RIOK2: variants seen among roughly 807,000 people sequenced by gnomAD.
The protein encoded by RIOK2 is serine/threonine-protein kinase RIO2.
In RIOK2, 46 loss-of-function variants were observed where a neutral mutation model predicts 62.4. That is an observed-to-expected ratio of 0.74 (90% confidence interval 0.58 to 0.94). The LOEUF is 0.94. Among genes scored for constraint, RIOK2 ranks in the 40% least tolerant of loss-of-function variants. The pLI, the probability that RIOK2 is intolerant of heterozygous loss-of-function variation, is 0.00. For synonymous variants in RIOK2, 197 were observed against 216.0 expected (o/e 0.91, Z 0.77); for missense variants, 574 against 658.0 (o/e 0.87, Z 1.40).
chr5:97,168,286 C>A (rs1291243575), intron 7 of RIOK2, among the ~76,000 whole-genome samples: 1 of 152,100 alleles, frequency 6.6e-6, no homozygotes, highest in East Asian at 1.9e-4. Context: ...TCAAAGGGGG[C>A]TAAGGATTTC....
In RIOK2 at chr5:97,171,469, G is replaced by A. The variant is rs1004404294; in HGVS notation, c.588-72C>T. 3.0e-5 allele frequency: 31 copies of A among 1,030,066 alleles called. No individual in the cohort carries two copies. The South Asian group carries it at 5.9e-4, about 20-fold the overall frequency. 63.8% of individuals were successfully genotyped at this position (1,030,066 alleles called of 1,614,324 possible). On this transcript the variant is annotated intron_variant, in intron 5 of 9. Transcript: ENST00000283109. ...GGTTTTAACGAAAGTATGTATGCAT[G>A]TGAACATATATATTATTTCCATGCT...
Position 97,167,755 on chromosome 5 carries a change from G to C in RIOK2, c.1109C>G (p.Ser370Cys), listed in dbSNP as rs1030769135. The C allele has an allele frequency of 6.2e-7, 1 of 1,614,142 alleles. No individual in the cohort carries two copies. Among genetic ancestry groups the C allele is most frequent in the Non-Finnish European group, 8.5e-7 (1 of 1,180,014 alleles). ...EESEGCYCRS[S>C]GDPEQIKEDS... ...TTCCTTTATTTGTTCAGGGTCTCCAGATGATCTGCAATAGCAGCCCTCTGA... is the reference window on the plus strand; with the variant it reads ...TTCCTTTATTTGTTCAGGGTCTCCACATGATCTGCAATAGCAGCCCTCTGA... Residue 370 changes from serine (S) to cysteine (C), a missense_variant, in exon 8 of 10, where the codon TCT becomes TGT. Ser to Cys is a moderately radical substitution (Grantham distance 112). Coordinates refer to ENST00000283109, the MANE Select transcript of RIOK2 (RefSeq NM_018343.3).
At chr5:97,183,038 C>A in intron 1 of RIOK2, 88 bp downstream of exon 1, 1 of 1,385,474 alleles carries the variant, frequency 7.2e-7, no homozygotes, top group Non-Finnish European at 1.0e-6. Flanking sequence ...CCAGAGTGTG[C>A]CTGCTCAGAT....
At chr5:97,182,404 T>C (rs1749438124) in intron 1 of RIOK2, among the ~76,000 whole-genome samples, 1 of 152,222 alleles carries the variant, frequency 6.6e-6, no homozygotes, top group African/African-American at 2.4e-5. Flanking sequence ...TGCTGTTTCC[T>C]CTGCCTCCAA....
At chr5:97,174,810 C>T (rs569100787) in intron 4 of RIOK2, among the ~76,000 whole-genome samples, 8 of 152,128 alleles carry the variant, frequency 5.3e-5, no homozygotes, top group South Asian at 2.1e-4. Flanking sequence ...TGGTGGCTCA[C>T]GCTTATAACC....
At chr5:97,170,163 AG>A (rs1376613639) in intron 6 of RIOK2, among the ~76,000 whole-genome samples, 2 of 152,190 alleles carry the variant, frequency 1.3e-5, no homozygotes, top group Admixed American at 1.3e-4. Flanking sequence ...TTGTTAGTTT[AG>A]GAAAAAAGTT....
chr5:97,163,220 C>A lies in RIOK2; in HGVS notation c.1500G>T (p.Leu500=), dbSNP rs754012985. 1.9e-6 allele frequency: 3 copies of A among 1,612,842 alleles called. No individual in the cohort carries two copies. In the African/African-American group the frequency reaches 4.0e-5, roughly 22 times the overall value. The change falls in exon 10 of 10, where the codon CTG becomes CTT. Residue 500 remains leucine, a synonymous_variant. Coordinates refer to ENST00000283109, the MANE Select transcript of RIOK2 (RefSeq NM_018343.3). Reference sequence around the variant, plus strand: ...ACTGACGTTTCACCTTCTGTTTCACCAGTTCCTGGAAAGATTTCATAAATT... The same window carrying A: ...ACTGACGTTTCACCTTCTGTTTCACAAGTTCCTGGAAAGATTTCATAAATT... ...AVSCSTIPPE[L]VKQKVKRQLT... is the part of the protein sequence containing the mutation.
At chr5:97,178,317 T>TATGCTCTTCTGCAGTACCTGC (rs1561520901) in intron 2 of RIOK2, among the ~76,000 whole-genome samples, 4 of 147,440 alleles carry the variant, frequency 2.7e-5, no homozygotes, top group African/African-American at 1.0e-4. Flanking sequence ...CTTTATCCTA[T>TATGCTCTTCTGCAGTACCTGC]ATGCTCTTCT....
chr5:97,180,583 T>C (rs1749379411), intron 1 of RIOK2, among the ~76,000 whole-genome samples: 1 of 152,176 alleles, frequency 6.6e-6, no homozygotes, highest in South Asian at 2.1e-4. Context: ...CAGGAAGCTC[T>C]TGAAGATGTT....
At chr5:97,179,532 G>C (rs1010866322) in intron 1 of RIOK2, among the ~76,000 whole-genome samples, 1 of 151,766 alleles carries the variant, frequency 6.6e-6, no homozygotes, top group Non-Finnish European at 1.5e-5. Flanking sequence ...TAATGAGAAA[G>C]TACTACATGT....
rs751257515 is a variant in RIOK2, at chr5:97,167,783, C to A, written c.1081G>T (p.Glu361Ter). Residue 361 changes from glutamate to a stop codon, truncating the protein, a stop_gained, in exon 8 of 10, where the codon GAA (glutamate) becomes TAA (stop). Transcript: ENST00000283109. LOFTEE classifies it high-confidence loss of function. ...ENESERNCLE[E>*]SEGCYCRSSG... is the part of the protein sequence containing the mutation. ...GATCTGCAATAGCAGCCCTCTGATT[C>A]TTCTAGACAGTTCCGTTCACTTTCA... 2 of 1,614,178 alleles carry A rather than the reference C, an allele frequency of 1.2e-6. No homozygotes were observed. The highest frequency in any genetic ancestry group is 2.2e-5 in the East Asian group (1 of 44,882).
At chr5:97,168,730 C>T (rs767202190) in intron 7 of RIOK2, 30 bp downstream of exon 7, 1 of 1,314,176 alleles carries the variant, frequency 7.6e-7, no homozygotes, top group South Asian at 1.4e-5. Flanking sequence ...TTAAACTGTT[C>T]TATTATGTAA....
rs1459754496 is a variant in RIOK2 at position 97,182,784 on chromosome 5, G to GC, written c.66+341_66+342insG. The GC allele has an allele frequency of 7.6e-5, 18 of 236,480 alleles. 2 individuals are homozygous for GC. Among genetic ancestry groups the GC allele is most frequent in the South Asian group, 6.9e-4 (14 of 20,196 alleles). The allele number at this position is 236,480 out of a possible 1,614,324, so 14.6% of individuals were successfully genotyped here. On this transcript the variant is annotated intron_variant, in intron 1 of 9. Transcript: ENST00000283109. Reference sequence around the variant, plus strand: ...AGTCAATATTATCAAATCTCGGGGGGGGGGGGGGGCTTAAACCTTTCACAG... The same window carrying GC: ...AGTCAATATTATCAAATCTCGGGGGGCGGGGGGGGGCTTAAACCTTTCACAG...
intron 1 of RIOK2, among the ~76,000 whole-genome samples, chr5:97,180,289 C>A (rs1043764716): frequency 6.7e-6 from 1 of 150,348 alleles, no homozygotes; most frequent in Non-Finnish European, 1.5e-5. Flanking sequence ...AATAAGAATA[C>A]TTCTAGCTGA....
rs762476518 is a variant in RIOK2, at chr5:97,183,241, G to A, written c.-50C>T. 2.5e-6 allele frequency: 4 copies of A among 1,590,734 alleles called. No individual in the cohort carries two copies. Among genetic ancestry groups the A allele is most frequent in the East Asian group, 4.5e-5 (2 of 44,782 alleles). On this transcript the variant is annotated 5_prime_UTR_variant, in exon 1 of 10. In the 5' UTR this introduces an upstream ATG that the reference lacks. Transcript: ENST00000283109. ...GCCTCTCCGACGACAGCCGCAAAGC[G>A]TAAGGCAGGTCGTTATTCCAGCCTC...
In RIOK2 at chr5:97,171,330, G is replaced by A; in HGVS notation, c.655C>T (p.Leu219Phe). The A allele has an allele frequency of 4.3e-6, 7 of 1,609,248 alleles. No homozygotes were observed. Among genetic ancestry groups the A allele is most frequent in the Non-Finnish European group, 5.9e-6 (7 of 1,178,056 alleles). Residue 219 changes from leucine to phenylalanine, a missense_variant, in exon 6 of 10, where the codon CTT becomes TTT. Leu to Phe is a conservative substitution (Grantham distance 22). Transcript: ENST00000283109. The stretch of plus-strand genomic sequence containing the variant: ...CCATGAATCAGCCCATGATTTGCAA[G>A]TTTGACAATTAGTTCCATAGCTTCA... ...YDEAMELIVKLANHGLIHGDF... is the reference protein window; with the variant it reads ...YDEAMELIVKFANHGLIHGDF...
Position 97,163,145 on chromosome 5 carries a change from T to G in RIOK2, c.1575A>C (p.Glu525Asp), listed in dbSNP as rs1429104031. The G allele has an allele frequency of 1.9e-6, 3 of 1,613,630 alleles. No homozygotes were observed. The African/African-American group carries it at 4.0e-5, about 22-fold the overall frequency. The change falls in exon 10 of 10, where the codon GAA becomes GAC. Residue 525 changes from glutamate to aspartate, a missense_variant. By Grantham distance (45) the Glu-to-Asp change is conservative. Coordinates refer to ENST00000283109, the MANE Select transcript of RIOK2 (RefSeq NM_018343.3). ...SAVRRRLQKG[E>D]ANIFTKQRRE... is the part of the protein sequence containing the mutation. ...TACGTTGCTTGGTAAATATATTTGCTTCTCCTTTCTGCAATCGACGTCTGA... is the reference window on the plus strand; with the variant it reads ...TACGTTGCTTGGTAAATATATTTGCGTCTCCTTTCTGCAATCGACGTCTGA...
At chr5:97,180,128 ATATATATATATATG>A (rs1161949147) in intron 1 of RIOK2, among the ~76,000 whole-genome samples, 1 of 54,516 alleles carries the variant, frequency 1.8e-5, no homozygotes, top group African/African-American at 6.8e-5. Flanking sequence ...GTGTATATGT[ATATATATATATATG>A]TATATATATA....
intron 2 of RIOK2, among the ~76,000 whole-genome samples, chr5:97,178,462 A>T (rs1003880989): frequency 6.7e-6 from 1 of 148,956 alleles, no homozygotes; most frequent in African/African-American, 2.5e-5. Flanking sequence ...CAGTACCTAC[A>T]TGCTCTTCTG....
Sources: gnomAD v4.1 joint callset for allele counts (sites outside exome capture counted in the v4.1 genomes callset) on GRCh38, gnomAD v4.1.1 for gene constraint, MANE v1.5 for transcripts, NCBI Gene and HGNC (gene_info 2026-07-23, HGNC 2026-07-21) for gene names.